Variants in PDZD2 observed in about 807,000 individuals in gnomAD.
PDZD2 encodes the protein PDZ domain containing 2, also known as PDZ domain-containing protein 2.
A neutral mutation model predicts 220.7 loss-of-function variants in PDZD2; 90 were observed. The ratio of observed to expected loss-of-function variants is 0.41; its 90% confidence interval spans 0.34 to 0.49. The LOEUF (loss-of-function observed/expected upper bound fraction) is 0.49, where lower values mean the gene tolerates loss of function less well. PDZD2 is among the 20% of genes least tolerant of loss of function. The pLI is 0.28. For synonymous variants in PDZD2, 1,375 were observed against 1,450.5 expected, an observed-to-expected ratio of 0.95 and a Z score of 1.18; for missense variants, 3,174 against 3,608.5, an observed-to-expected ratio of 0.88 and a Z score of 3.08.
chr5:31,639,979 C>T lies in PDZD2; in HGVS notation c.-361+542C>T, dbSNP rs544276617. ...GCAAAGATCAAGGGCATCTTAGGGC[C>T]GGTTATTGGCGTCTGCCGGGGAGAT... On this transcript the variant is annotated intron_variant, in intron 1 of 24. Coordinates refer to ENST00000438447, the MANE Select transcript of PDZD2 (RefSeq NM_178140.4). The surrounding 1 kb of genome is among the most constrained non-coding windows in gnomAD (Gnocchi z 4.1). Among the ~76,000 whole-genome samples the T allele has an allele frequency of 8.5e-5, 13 of 152,104 alleles. No homozygotes were observed. Among genetic ancestry groups the T allele is most frequent in the African/African-American group, 2.7e-4 (11 of 41,508 alleles).
intron 1 of PDZD2, among the ~76,000 whole-genome samples, chr5:31,702,039 C>T (rs422672): frequency 0.17 from 26,265 of 152,200 alleles, 2,473 homozygotes; most frequent in African/African-American, 0.25. Flanking sequence ...AAGAAACTGC[C>T]GCTTATAGAT....
intron 2 of PDZD2, chr5:31,843,649 T>TA (rs1757441194): frequency 6.6e-6 from 1 of 152,316 alleles, no homozygotes; most frequent in African/African-American, 2.4e-5. Flanking sequence ...TCTTGCTTGC[T>TA]ACCCTGATTC....
intron 3 of PDZD2, among the ~76,000 whole-genome samples, chr5:31,992,918 C>T (rs1751340286): frequency 6.6e-6 from 1 of 151,424 alleles, no homozygotes; most frequent in Non-Finnish European, 1.5e-5. Flanking sequence ...GAGGCCGCCA[C>T]AGGGCTGCTC....
rs931961841 is a variant in PDZD2 at position 31,774,719 on chromosome 5, C to CA, written c.-360-24160dup. ...GTGAAACAAGAGCAAAACTCCCTCT[C>CA]AAAAAAAAAACAAAAACCAAAAAAC... On this transcript the variant is annotated intron_variant, in intron 1 of 24. Transcript: ENST00000438447. 3.9e-3 allele frequency among the ~76,000 whole-genome samples: 547 copies of CA among 140,678 alleles called. 4 individuals are homozygous for CA. The highest frequency in any genetic ancestry group is 4.8e-3 in the Non-Finnish European group (310 of 64,144). 92.3% of individuals were successfully genotyped at this position (140,678 alleles called of 152,430 possible). A position where few individuals can be genotyped will look rare whatever the true frequency, so the allele number is the denominator to read the frequency against.
intron 7 of PDZD2, among the ~76,000 whole-genome samples, chr5:32,044,231 A>G (rs1452052635): frequency 6.6e-6 from 1 of 152,140 alleles, no homozygotes; most frequent in Non-Finnish European, 1.5e-5. Context: ...CGGGAGGCTG[A>G]GACAGGAGAA....
At chr5:31,650,718 A>C (rs1745318170) in intron 1 of PDZD2, among the ~76,000 whole-genome samples, 2 of 152,234 alleles carry the variant, frequency 1.3e-5, no homozygotes, top group African/African-American at 2.4e-5. Context: ...AGAGATGACC[A>C]GGTTGAGTCC....
At chr5:31,993,492 T>TA (rs1199158016) in intron 3 of PDZD2, among the ~76,000 whole-genome samples, 1 of 152,222 alleles carries the variant, frequency 6.6e-6, no homozygotes, top group African/African-American at 2.4e-5. Flanking sequence ...TACTGTTGCA[T>TA]AAAGTTTCAT....
chr5:31,643,260 T>G (rs1317781028), intron 1 of PDZD2, among the ~76,000 whole-genome samples: 10 of 152,238 alleles, frequency 6.6e-5, no homozygotes, highest in Non-Finnish European at 1.0e-4. Flanking sequence ...CCTGAAGCTT[T>G]CTTTCAGCTG....
intron 1 of PDZD2, among the ~76,000 whole-genome samples, chr5:31,690,322 C>T (rs1031136444): frequency 1.3e-5 from 2 of 152,010 alleles, no homozygotes; most frequent in African/African-American, 2.4e-5. Flanking sequence ...GTGTCTGGTG[C>T]CTGGAATGTG....
At chr5:31,655,250 G>A (rs1470951495) in intron 1 of PDZD2, among the ~76,000 whole-genome samples, 1 of 152,172 alleles carries the variant, frequency 6.6e-6, no homozygotes, top group South Asian at 2.1e-4. Context: ...TCAGCTCACT[G>A]CAACCTCTGC....
chr5:31,817,346 T>C (rs529290778), intron 2 of PDZD2, among the ~76,000 whole-genome samples: 199 of 151,376 alleles, frequency 1.3e-3, no homozygotes, highest in Non-Finnish European at 2.3e-3. Context: ...ATGCAAAAAT[T>C]AGCCGGCCGT....
At chr5:31,821,818 C>T (rs780910507) in intron 2 of PDZD2, among the ~76,000 whole-genome samples, 26 of 147,560 alleles carry the variant, frequency 1.8e-4, no homozygotes, top group Non-Finnish European at 3.3e-4. Flanking sequence ...CATGCATTAG[C>T]TATTTGTCCT....
chr5:32,060,574 G>A (rs1360850210), intron 13 of PDZD2, among the ~76,000 whole-genome samples: 1 of 152,180 alleles, frequency 6.6e-6, no homozygotes, highest in South Asian at 2.1e-4. Context: ...ACAGTCAGAC[G>A]GACCCGAGTT....
intron 6 of PDZD2, among the ~76,000 whole-genome samples, chr5:32,019,082 T>TA (rs1448496204): frequency 2.6e-5 from 4 of 151,954 alleles, no homozygotes; most frequent in African/African-American, 9.7e-5. Context: ...GCTGCATTTT[T>TA]ATCTAAGGAG....
At chr5:31,903,659 AAAAAG>A (rs773956679) in intron 2 of PDZD2, among the ~76,000 whole-genome samples, 16,696 of 146,528 alleles carry the variant, frequency 0.11, 894 homozygotes, top group Non-Finnish European at 0.14. Context: ...AAAAAAAAAA[AAAAAG>A]AAAGAAAAAA....
intron 2 of PDZD2, among the ~76,000 whole-genome samples, chr5:31,832,946 T>C (rs1348786570): frequency 6.6e-6 from 1 of 152,132 alleles, no homozygotes; most frequent in Admixed American, 6.5e-5. Flanking sequence ...GGGGAACACA[T>C]TGGTGTCTTT....
intron 2 of PDZD2, among the ~76,000 whole-genome samples, chr5:31,862,176 G>T (rs1173058228): frequency 2.3e-5 from 3 of 128,116 alleles, no homozygotes; most frequent in African/African-American, 9.1e-5. Flanking sequence ...CACAATCTCA[G>T]CTCACCCCAA....
At chr5:32,070,638 T>C (rs989001512) in intron 15 of PDZD2, among the ~76,000 whole-genome samples, 1 of 152,264 alleles carries the variant, frequency 6.6e-6, no homozygotes, top group Non-Finnish European at 1.5e-5. Flanking sequence ...GTTCATTTGT[T>C]CATTCATAAT....
intron 2 of PDZD2, among the ~76,000 whole-genome samples, chr5:31,857,992 A>T (rs922021427): frequency 2.0e-5 from 3 of 151,996 alleles, no homozygotes; most frequent in African/African-American, 7.2e-5. Context: ...CACCCAGCTA[A>T]TTTTTGTATT....
Sources: gnomAD v4.1 joint callset for allele counts (sites outside exome capture counted in the v4.1 genomes callset) on GRCh38, gnomAD v4.1.1 for gene constraint, Gnocchi (gnomAD v3.1) non-coding constraint, MANE v1.5 for transcripts, NCBI Gene and HGNC (gene_info 2026-07-23, HGNC 2026-07-21) for gene names.